SMG6: variants seen among roughly 807,000 people sequenced by gnomAD.
SMG6 encodes telomerase-binding protein EST1A.
Under a neutral mutation model 142.2 loss-of-function variants are expected in SMG6, and 66 were observed. That is an observed-to-expected ratio of 0.46 (90% confidence interval 0.38 to 0.57). The LOEUF (loss-of-function observed/expected upper bound fraction) is 0.57, where lower values mean the gene tolerates loss of function less well. SMG6 is among the 20% of genes least tolerant of loss of function. The probability of loss-of-function intolerance (pLI) is 0.00; values close to 1 mark genes in which losing one functional copy is unlikely to be tolerated. For missense variants in SMG6, 1,793 were observed against 1,832.0 expected (o/e 0.98, Z 0.39); for synonymous variants, 779 against 702.4 (o/e 1.11, Z -1.72).
Position 2,300,109 on chromosome 17 carries a change from TC to T in SMG6, c.643del (p.Glu215LysfsTer12), listed in dbSNP as rs2075244878. The T allele has an allele frequency of 6.2e-7, 1 of 1,613,992 alleles. No homozygotes were observed. The highest frequency in any genetic ancestry group is 1.3e-5 in the African/African-American group (1 of 74,888). ...GGGRVGAAKG[E>X]KGKRMGKGEG... The stretch of plus-strand genomic sequence containing the variant: ...CCCTTTTCCCATCCTCTTTCCTTTT[TC>T]TCCTTTTGCAGCCCCTACTCTCCCA... On this transcript the variant is annotated frameshift_variant, in exon 2 of 19. Transcript: ENST00000263073. LOFTEE classifies it high-confidence loss of function.
chr17:2,178,001 G>A (rs563278557), intron 12 of SMG6, among the ~76,000 whole-genome samples: 4 of 152,218 alleles, frequency 2.6e-5, no homozygotes, highest in Non-Finnish European at 5.9e-5. Flanking sequence ...CACTCCACTG[G>A]AGAAAACTGC....
intron 13 of SMG6, among the ~76,000 whole-genome samples, chr17:2,164,336 T>C (rs2071268620): frequency 6.6e-6 from 1 of 151,336 alleles, no homozygotes; most frequent in Non-Finnish European, 1.5e-5. Flanking sequence ...GGCAGGAGAA[T>C]CGCTTAAACC....
intron 13 of SMG6, among the ~76,000 whole-genome samples, chr17:2,130,381 A>G (rs530875928): frequency 6.6e-6 from 1 of 152,034 alleles, no homozygotes; most frequent in African/African-American, 2.4e-5. Context: ...GGGAAATATT[A>G]CAAAACATCC....
intron 13 of SMG6, among the ~76,000 whole-genome samples, chr17:2,106,049 C>T (rs968729142): frequency 1.3e-5 from 2 of 152,166 alleles, no homozygotes; most frequent in African/African-American, 4.8e-5. Context: ...GGGTGTGTTA[C>T]TTATCTGGCA....
rs533117656 is a variant in SMG6 at position 2,209,907 on chromosome 17, G to A, written c.2870-21392C>T. Among the ~76,000 whole-genome samples the A allele has an allele frequency of 3.9e-5, 6 of 152,292 alleles. No individual in the cohort carries two copies. The South Asian group carries it at 1.2e-3, about 32-fold the overall frequency. On this transcript the variant is annotated intron_variant, in intron 10 of 18. Coordinates refer to ENST00000263073, the MANE Select transcript of SMG6 (RefSeq NM_017575.5). ...GCCAGGCAGGGAAGAGGGTCAGAGA[G>A]GCAAGCAATACACAGAAAACAGGTA...
rs2067751612 is a variant in SMG6 at position 2,060,793 on chromosome 17, ACTGT to A, written c.*695_*698del. ...GATGCCCCTTTCCTCTAGACTCATG[ACTGT>A]CCACGGGGACGCAACTGGCGAAGTG... On this transcript the variant is annotated 3_prime_UTR_variant, in exon 19 of 19. Coordinates refer to ENST00000263073, the MANE Select transcript of SMG6 (RefSeq NM_017575.5). 1 of 152,494 alleles carries A rather than the reference ACTGT, an allele frequency of 6.6e-6. No homozygotes were observed. Among genetic ancestry groups the A allele is most frequent in the Non-Finnish European group, 1.5e-5 (1 of 68,316 alleles). 9.4% of individuals were successfully genotyped at this position (152,494 alleles called of 1,614,324 possible). A position where few individuals can be genotyped will look rare whatever the true frequency, so the allele number is the denominator to read the frequency against.
intron 10 of SMG6, chr17:2,232,948 A>G (rs928085185): frequency 5.9e-5 from 9 of 152,254 alleles, no homozygotes; most frequent in Non-Finnish European, 1.3e-4. Context: ...TGCCTTCTGC[A>G]GTGTCCAAAG....
intron 8 of SMG6, among the ~76,000 whole-genome samples, chr17:2,268,649 C>T (rs756176082): frequency 3.3e-5 from 5 of 152,202 alleles, no homozygotes; most frequent in African/African-American, 4.8e-5. Flanking sequence ...CGGTGGCTCA[C>T]GCTTATAATC....
intron 1 of SMG6, chr17:2,303,087 C>T (rs1446767680): frequency 1.0e-6 from 1 of 985,356 alleles, no homozygotes; most frequent in East Asian, 1.1e-4. Flanking sequence ...TGCTCCCACA[C>T]ATGCCAGGGC....
chr17:2,105,765 C>A (rs1175503670), intron 13 of SMG6, among the ~76,000 whole-genome samples: 1 of 152,190 alleles, frequency 6.6e-6, no homozygotes, highest in Non-Finnish European at 1.5e-5. Context: ...CATTTCATTT[C>A]ACTGGACATA....
intron 1 of SMG6, chr17:2,303,181 G>C: frequency 2.0e-6 from 2 of 985,450 alleles, no homozygotes; most frequent in Non-Finnish European, 2.4e-6. Flanking sequence ...GTTCAGCAAC[G>C]AAGTCGCAGG....
intron 13 of SMG6, among the ~76,000 whole-genome samples, chr17:2,160,269 G>T (rs963688423): frequency 6.6e-5 from 10 of 152,082 alleles, no homozygotes; most frequent in Admixed American, 3.3e-4. Context: ...GCCCAGGCTG[G>T]AGTGCAGTGG....
intron 12 of SMG6, among the ~76,000 whole-genome samples, chr17:2,184,902 T>C (rs1597548119): frequency 7.7e-6 from 1 of 130,524 alleles, no homozygotes; most frequent in South Asian, 2.4e-4. Context: ...GAGACAGAGG[T>C]TGCAGCCAAG....
At chr17:2,283,780 T>G in intron 6 of SMG6, 45 bp from the exon 7 acceptor site, 1 of 1,497,896 alleles carries the variant, frequency 6.7e-7, no homozygotes, top group African/African-American at 1.4e-5. Flanking sequence ...ATTCTCGTCC[T>G]AACTCCAGCA....
At chr17:2,154,594 C>G (rs531526659) in intron 13 of SMG6, among the ~76,000 whole-genome samples, 1 of 152,244 alleles carries the variant, frequency 6.6e-6, no homozygotes, top group African/African-American at 2.4e-5. Flanking sequence ...GCAGAGGTCT[C>G]TGTTTCTCCA....
chr17:2,252,102 GA>G (rs967869306), intron 8 of SMG6, among the ~76,000 whole-genome samples: 1 of 138,294 alleles, frequency 7.2e-6, no homozygotes, highest in African/African-American at 2.7e-5. Context: ...CTCCATCTCA[GA>G]AAAAAAAGGA....
chr17:2,303,059 A>G (rs1597250212), intron 1 of SMG6: 1 of 985,426 alleles, frequency 1.0e-6, no homozygotes, highest in Non-Finnish European at 1.2e-6. Flanking sequence ...CAAATTGAGC[A>G]TTCTCTCTAA....
intron 13 of SMG6, among the ~76,000 whole-genome samples, chr17:2,138,902 G>A (rs1488041287): frequency 6.6e-6 from 1 of 152,172 alleles, no homozygotes; most frequent in East Asian, 1.9e-4. Context: ...CATTTGAAGT[G>A]GAGGCTTGGG....
intron 15 of SMG6, 77 bp downstream of exon 15, chr17:2,081,733 T>C (rs1285959735): frequency 1.3e-6 from 2 of 1,546,900 alleles, no homozygotes; most frequent in African/African-American, 2.7e-5. Flanking sequence ...TGCTCAGCTC[T>C]GCTCTCTGCC....
Sources: gnomAD v4.1 joint callset for allele counts (sites outside exome capture counted in the v4.1 genomes callset) on GRCh38, gnomAD v4.1.1 for gene constraint, MANE v1.5 for transcripts, NCBI Gene and HGNC (gene_info 2026-07-23, HGNC 2026-07-21) for gene names.